The following DPF3 variants were observed in gnomAD, a reference collection of about 807,000 sequenced individuals.
The protein encoded by DPF3 is double PHD fingers 3.
Under a neutral mutation model 56.8 loss-of-function variants are expected in DPF3, and 18 were observed. That is an observed-to-expected ratio of 0.32 (90% confidence interval 0.22 to 0.47). The LOEUF (loss-of-function observed/expected upper bound fraction) is 0.47. Among genes scored for constraint, DPF3 ranks in the 20% least tolerant of loss-of-function variants. The probability of loss-of-function intolerance (pLI) is 1.00; values close to 1 mark genes in which losing one functional copy is unlikely to be tolerated. For synonymous variants in DPF3, 188 were observed against 180.2 expected (o/e 1.04, Z -0.35); for missense variants, 403 against 488.8 (o/e 0.82, Z 1.65).
intron 8 of DPF3, among the ~76,000 whole-genome samples, chr14:72,644,423 T>C (rs942119232): frequency 6.6e-6 from 1 of 152,224 alleles, no homozygotes; most frequent in East Asian, 1.9e-4. Flanking sequence ...AACAAATTCC[T>C]GAATGAGAAT....
At chr14:72,886,902 C>T (rs981423698) in intron 1 of DPF3, among the ~76,000 whole-genome samples, 1 of 152,136 alleles carries the variant, frequency 6.6e-6, no homozygotes, top group African/African-American at 2.4e-5. Flanking sequence ...AACTGCTGGG[C>T]ACCTCCATTT....
chr14:72,736,801 C>T (rs1889910769), intron 3 of DPF3, among the ~76,000 whole-genome samples: 1 of 152,100 alleles, frequency 6.6e-6, no homozygotes, highest in Non-Finnish European at 1.5e-5. Flanking sequence ...GAACCTCACA[C>T]AAACTTGGGG....
At chr14:72,865,130 G>C (rs773446831) in intron 1 of DPF3, among the ~76,000 whole-genome samples, 1 of 152,160 alleles carries the variant, frequency 6.6e-6, no homozygotes, top group Admixed American at 6.5e-5. Context: ...ATTGAGTCAC[G>C]GGTGCTGGCT....
At chr14:72,720,518 C>G (rs1160931725) in intron 5 of DPF3, among the ~76,000 whole-genome samples, 1 of 152,168 alleles carries the variant, frequency 6.6e-6, no homozygotes, top group African/African-American at 2.4e-5. Context: ...GCTGCTTGGC[C>G]AGTATCTGGT....
In DPF3 at chr14:72,804,062, A is replaced by G. The variant is rs532535156; in HGVS notation, c.33-32169T>C. Among the ~76,000 whole-genome samples, 210 of 152,334 alleles carry G rather than the reference A, an allele frequency of 1.4e-3. 3 individuals carry two copies. The South Asian group carries it at 0.014, about 10-fold the overall frequency. On this transcript the variant is annotated intron_variant, in intron 1 of 10. Transcript: ENST00000556509. ...AAGGGAAGGGTGCAGAGACGCCAAG[A>G]AACAAGAACTTGGAGAGGACAATGA...
chr14:72,666,009 G>C (rs778863591), intron 8 of DPF3, among the ~76,000 whole-genome samples: 1 of 152,186 alleles, frequency 6.6e-6, no homozygotes, highest in African/African-American at 2.4e-5. Context: ...GTTCTGACAG[G>C]AATCTTCCAT....
intron 8 of DPF3, among the ~76,000 whole-genome samples, chr14:72,669,237 A>G (rs1011382860): frequency 8.5e-5 from 13 of 152,140 alleles, no homozygotes; most frequent in African/African-American, 3.1e-4. Flanking sequence ...GGTCTAATTC[A>G]TGAGGATCTG....
chr14:72,863,825 G>A (rs1440959574), intron 1 of DPF3, among the ~76,000 whole-genome samples: 32 of 152,200 alleles, frequency 2.1e-4, no homozygotes, highest in Admixed American at 2.0e-3. Flanking sequence ...CTGCTGGCAG[G>A]AATTAAGCAC....
intron 5 of DPF3, among the ~76,000 whole-genome samples, chr14:72,721,310 A>G (rs1482597630): frequency 2.0e-5 from 3 of 152,180 alleles, no homozygotes; most frequent in African/African-American, 4.8e-5. Context: ...CTGCAAGCTC[A>G]ATCTTCTAAA....
At chr14:72,698,974 G>A (rs1223348525) in intron 6 of DPF3, among the ~76,000 whole-genome samples, 1 of 152,200 alleles carries the variant, frequency 6.6e-6, no homozygotes, top group East Asian at 1.9e-4. Flanking sequence ...TCTGACGTGG[G>A]CAACTGGGTA....
intron 4 of DPF3, among the ~76,000 whole-genome samples, chr14:72,729,064 A>G (rs1599389654): frequency 6.6e-6 from 1 of 152,062 alleles, no homozygotes; most frequent in Non-Finnish European, 1.5e-5. Flanking sequence ...CCTGGCAAAC[A>G]TGGTGAATCC....
chr14:72,689,565 T>C (rs1338981055), intron 7 of DPF3, among the ~76,000 whole-genome samples: 2 of 152,078 alleles, frequency 1.3e-5, no homozygotes, highest in Non-Finnish European at 2.9e-5. Context: ...ACAGCCCCAG[T>C]AGCATTTAGG....
chr14:72,736,691 A>AC (rs538890925), intron 3 of DPF3, among the ~76,000 whole-genome samples: 162 of 152,198 alleles, frequency 1.1e-3, no homozygotes, highest in Middle Eastern at 6.8e-3. Context: ...TCCTAAACAC[A>AC]CTTCTATTGA....
intron 1 of DPF3, among the ~76,000 whole-genome samples, chr14:72,859,036 T>C (rs925119883): frequency 9.9e-5 from 15 of 152,194 alleles, no homozygotes; most frequent in African/African-American, 3.6e-4. Flanking sequence ...AATAATACTG[T>C]GGAATTATTG....
chr14:72,823,563 C>G (rs1435667264), intron 1 of DPF3, among the ~76,000 whole-genome samples: 2 of 152,144 alleles, frequency 1.3e-5, no homozygotes. Context: ...CGGGCTGCAG[C>G]ATTGCGTGGC....
At chr14:72,857,386 A>C (rs555855035) in intron 1 of DPF3, among the ~76,000 whole-genome samples, 2 of 152,332 alleles carry the variant, frequency 1.3e-5, no homozygotes, top group South Asian at 4.1e-4. Flanking sequence ...AAGTTTAAAC[A>C]TGGTTCCATC....
At chr14:72,668,306 C>G (rs1330138875) in intron 8 of DPF3, among the ~76,000 whole-genome samples, 1 of 152,190 alleles carries the variant, frequency 6.6e-6, no homozygotes, top group Non-Finnish European at 1.5e-5. Context: ...CTTTTCTCAA[C>G]TGAAAAGTGA....
intron 1 of DPF3, among the ~76,000 whole-genome samples, chr14:72,799,160 A>T (rs1268213858): frequency 6.6e-6 from 1 of 152,178 alleles, no homozygotes; most frequent in Non-Finnish European, 1.5e-5. Context: ...CTTCCTTGAC[A>T]GTGCAATTGT....
chr14:72,765,523 T>C (rs1238782441), intron 2 of DPF3, among the ~76,000 whole-genome samples: 1 of 152,136 alleles, frequency 6.6e-6, no homozygotes, highest in Admixed American at 6.5e-5. Context: ...CATCAACAGG[T>C]GAATGGATAA....
Sources: gnomAD v4.1 joint callset for allele counts (sites outside exome capture counted in the v4.1 genomes callset) on GRCh38, gnomAD v4.1.1 for gene constraint, MANE v1.5 for transcripts, NCBI Gene and HGNC (gene_info 2026-07-23, HGNC 2026-07-21) for gene names.